Variants in FAM110B observed in about 807,000 individuals in gnomAD.
FAM110B encodes protein FAM110B.
FAM110B carries 6 observed loss-of-function variants against 20.4 expected under a neutral mutation model. The ratio of observed to expected loss-of-function variants is 0.29; its 90% CI spans 0.16 to 0.58. The LOEUF (loss-of-function observed/expected upper bound fraction) is 0.58. Ranked by LOEUF, FAM110B falls within the 20% of genes least tolerant of loss-of-function variation. The probability of loss-of-function intolerance (pLI) is 0.90; values close to 1 mark genes in which losing one functional copy is unlikely to be tolerated. For missense variants in FAM110B, 434 were observed against 498.2 expected, an observed-to-expected ratio of 0.87 and a Z score of 1.23; for synonymous variants, 226 against 214.1, an observed-to-expected ratio of 1.06 and a Z score of -0.49.
chr8:58,138,141 C>T (rs1029435295), intron 3 of FAM110B, among the ~76,000 whole-genome samples: 1 of 152,200 alleles, frequency 6.6e-6, no homozygotes, highest in Non-Finnish European at 1.5e-5. Context: ...CTCCCTGGCT[C>T]TTGCAGTGGG....
rs1803878580 is a variant in FAM110B at position 58,146,805 on chromosome 8, C to T, written c.575C>T (p.Ser192Phe). The change falls in exon 4 of 4, where the codon TCC (serine) becomes TTC (phenylalanine). Residue 192 changes from serine to phenylalanine, a missense_variant. By Grantham distance (155) the Ser-to-Phe change is radical. This residue lies in a region of FAM110B where 284 missense variants were observed against 278.3 expected (regional missense o/e 1.02). Transcript: ENST00000519262. ...GRRLLEQSAESFLHVSHSSSD... is the reference protein window; with the variant it reads ...GRRLLEQSAEFFLHVSHSSSD... ...AGACTGCTGGAGCAGTCAGCCGAGT[C>T]CTTCCTCCACGTGTCCCACAGCTCT... 1 of 1,610,038 alleles carries T rather than the reference C, an allele frequency of 6.2e-7. No homozygotes were observed. The highest frequency in any genetic ancestry group is 1.7e-5 in the Admixed American group (1 of 59,786).
At chr8:58,111,514 A>T (rs1807056756) in intron 3 of FAM110B, among the ~76,000 whole-genome samples, 1 of 152,234 alleles carries the variant, frequency 6.6e-6, no homozygotes, top group Non-Finnish European at 1.5e-5. Context: ...GGAACACTGG[A>T]AGTCTAAAAC....
At chr8:58,108,698 G>A (rs1366935967) in intron 3 of FAM110B, among the ~76,000 whole-genome samples, 1 of 152,190 alleles carries the variant, frequency 6.6e-6, no homozygotes, top group African/African-American at 2.4e-5. Flanking sequence ...TCATCCGGGG[G>A]CGGTGAATTC....
chr8:58,052,401 A>G (rs1805465625), intron 2 of FAM110B, among the ~76,000 whole-genome samples: 2 of 152,224 alleles, frequency 1.3e-5, no homozygotes, highest in African/African-American at 2.4e-5. Flanking sequence ...GTAAACCTAC[A>G]TAGTAAATAG....
chr8:58,118,993 A>G (rs951455903), intron 3 of FAM110B, among the ~76,000 whole-genome samples: 7 of 152,182 alleles, frequency 4.6e-5, no homozygotes, highest in Admixed American at 2.0e-4. Context: ...TGATTTTCTG[A>G]AGAAATGAGA....
At chr8:58,087,619 G>A (rs981669368) in intron 3 of FAM110B, among the ~76,000 whole-genome samples, 4 of 151,996 alleles carry the variant, frequency 2.6e-5, no homozygotes, top group South Asian at 2.1e-4. Flanking sequence ...TTGGCTCATC[G>A]GCAGAATGAA....
intron 3 of FAM110B, among the ~76,000 whole-genome samples, chr8:58,108,392 C>T (rs1380403975): frequency 6.6e-6 from 1 of 152,294 alleles, no homozygotes; most frequent in African/African-American, 2.4e-5. Flanking sequence ...ACCTTCAGAA[C>T]GGTTGTAGGA....
intron 2 of FAM110B, among the ~76,000 whole-genome samples, chr8:58,038,440 G>A (rs1171094355): frequency 6.6e-6 from 1 of 152,110 alleles, no homozygotes; most frequent in Non-Finnish European, 1.5e-5. Flanking sequence ...TACAGCAAAG[G>A]TATTCTTAGT....
intron 1 of FAM110B, among the ~76,000 whole-genome samples, chr8:58,001,740 C>T (rs559831114): frequency 6.6e-6 from 1 of 152,056 alleles, no homozygotes; most frequent in East Asian, 1.9e-4. Context: ...CGTTTTGTGC[C>T]AGAGATACTT....
rs559645492 is a variant in FAM110B at position 58,148,524 on chromosome 8, T to A, written c.*1181T>A. 7.7e-4 allele frequency: 129 copies of A among 167,208 alleles called. No individual in the cohort carries two copies. The highest frequency in any genetic ancestry group is 3.0e-3 in the African/African-American group (123 of 41,570). 10.4% of individuals were successfully genotyped at this position (167,208 alleles called of 1,614,324 possible). On this transcript the variant is annotated 3_prime_UTR_variant, in exon 4 of 4. Transcript: ENST00000519262. ...ATCAACTTGTCCCCTTTTTTCCCAA[T>A]AACCTGTCTTCCAGGTGGTACAGTT...
intron 3 of FAM110B, among the ~76,000 whole-genome samples, chr8:58,092,927 A>G (rs188876591): frequency 1.3e-5 from 2 of 152,280 alleles, no homozygotes; most frequent in Admixed American, 1.3e-4. Flanking sequence ...TGATTTTTAA[A>G]TGATCGCCAT....
chr8:58,051,753 G>A (rs552011272), intron 2 of FAM110B, among the ~76,000 whole-genome samples: 1 of 152,270 alleles, frequency 6.6e-6, no homozygotes, highest in African/African-American at 2.4e-5. Flanking sequence ...TCAATTTGGG[G>A]CTTTTAAAAA....
chr8:58,145,317 T>G (rs1460545021), intron 3 of FAM110B, among the ~76,000 whole-genome samples: 1 of 95,046 alleles, frequency 1.1e-5, no homozygotes, highest in African/African-American at 3.3e-5. Flanking sequence ...GTGTTGAGGT[T>G]TTTTTTTTTT....
chr8:58,035,699 A>G (rs1427315266), intron 2 of FAM110B, among the ~76,000 whole-genome samples: 1 of 152,254 alleles, frequency 6.6e-6, no homozygotes, highest in African/African-American at 2.4e-5. Context: ...TGCTGAGAAT[A>G]TGATGACTTT....
intron 3 of FAM110B, among the ~76,000 whole-genome samples, chr8:58,103,518 G>C (rs918086663): frequency 6.6e-6 from 1 of 152,050 alleles, no homozygotes; most frequent in Non-Finnish European, 1.5e-5. Flanking sequence ...TTTTTTATGT[G>C]TTTCTATAAG....
chr8:58,115,007 G>GTTT (rs67361448), intron 3 of FAM110B, among the ~76,000 whole-genome samples: 1 of 144,234 alleles, frequency 6.9e-6, no homozygotes, highest in Non-Finnish European at 1.5e-5. Flanking sequence ...TTGGAAAGTT[G>GTTT]TTTTTTTTTT....
At chr8:58,067,388 G>T (rs1486111508) in intron 2 of FAM110B, among the ~76,000 whole-genome samples, 1 of 152,188 alleles carries the variant, frequency 6.6e-6, no homozygotes, top group East Asian at 1.9e-4. Context: ...AAGGAGAGAA[G>T]CTGTGGTCAG....
rs139701629 is a variant in FAM110B at position 58,100,640 on chromosome 8, A to G, written c.-325+25017A>G. On this transcript the variant is annotated intron_variant, in intron 3 of 3. Transcript: ENST00000519262. ...TCTCCATCTCTGCCTTCATCTTCAC[A>G]TAGTGTTATCCCTGTGTCTGTGTCC... Among the ~76,000 whole-genome samples the G allele has an allele frequency of 1.8e-3, 277 of 152,212 alleles. 1 individual carries two copies. Among genetic ancestry groups the G allele is most frequent in the African/African-American group, 6.4e-3 (266 of 41,518 alleles).
chr8:58,132,485 G>T (rs1803498266), intron 3 of FAM110B, among the ~76,000 whole-genome samples: 1 of 152,026 alleles, frequency 6.6e-6, no homozygotes. Context: ...ATCCAGAGCA[G>T]TCTTAGGGCA....
Sources: gnomAD v4.1 joint callset for allele counts (sites outside exome capture counted in the v4.1 genomes callset) on GRCh38, gnomAD v4.1.1 for gene constraint, gnomAD v4.1.1 regional missense constraint, MANE v1.5 for transcripts, NCBI Gene and HGNC (gene_info 2026-07-23, HGNC 2026-07-21) for gene names.